The following TRPC5 variants were observed in gnomAD, a reference collection of about 807,000 sequenced individuals.
TRPC5 encodes short transient receptor potential channel 5.
In TRPC5, 9 loss-of-function variants were observed where a neutral mutation model predicts 56.5. The ratio of observed to expected loss-of-function variants is 0.16; its 90% CI spans 0.10 to 0.28. TRPC5 has a LOEUF of 0.28. Among genes scored for constraint, TRPC5 ranks in the 10% least tolerant of loss-of-function variants. The pLI is 1.00. For synonymous variants in TRPC5, 282 were observed against 278.5 expected (o/e 1.01, Z -0.13); for missense variants, 469 against 748.9 (o/e 0.63, Z 4.36).
At chrX:111,945,188 G>A (rs972237398) in intron 2 of TRPC5, among the ~76,000 whole-genome samples, 5 of 108,838 alleles carry the variant, frequency 4.6e-5, no homozygotes, top group African/African-American at 1.7e-4. Context: ...TCTGAATTGC[G>A]GTTGGATTTG....
chrX:111,869,724 T>G (rs1923678303), intron 3 of TRPC5, among the ~76,000 whole-genome samples: 1 of 112,084 alleles, frequency 8.9e-6, no homozygotes, highest in African/African-American at 3.2e-5. Context: ...GCAACAGAAT[T>G]AAGACTAATG....
At chrX:111,844,514 G>A (rs1426553622) in intron 6 of TRPC5, among the ~76,000 whole-genome samples, 1 of 101,696 alleles carries the variant, frequency 9.8e-6, no homozygotes, top group Non-Finnish European at 2.0e-5. Context: ...AGGCTGGAGT[G>A]GAGTGCAATG....
intron 3 of TRPC5, among the ~76,000 whole-genome samples, chrX:111,899,172 A>G (rs1925218530): frequency 9.0e-6 from 1 of 111,165 alleles, no homozygotes; most frequent in African/African-American, 3.3e-5. Flanking sequence ...ACAAGGGTCA[A>G]GAAAGTTAAG....
In TRPC5 at chrX:111,770,682, T is replaced by C. The variant is rs1945838409; in HGVS notation, c.*5631A>G. On this transcript the variant is annotated 3_prime_UTR_variant, in exon 11 of 11. Coordinates refer to ENST00000262839, the MANE Select transcript of TRPC5 (RefSeq NM_012471.3). ...CTAAGTTTCCCAATCCCAGCAAAAA[T>C]CCAAAGCCTCCTTTCTTCCTTCCAA... Among the ~76,000 whole-genome samples the C allele has an allele frequency of 9.0e-6, 1 of 111,343 alleles. No individual in the cohort carries two copies. Among genetic ancestry groups the C allele is most frequent in the Admixed American group, 9.6e-5 (1 of 10,386 alleles).
intron 2 of TRPC5, among the ~76,000 whole-genome samples, chrX:111,931,591 T>A (rs984876870): frequency 1.8e-5 from 2 of 112,499 alleles, no homozygotes; most frequent in African/African-American, 6.5e-5. Flanking sequence ...AGAGAGATAC[T>A]ATCTACTTGG....
At chrX:111,918,186 A>T (rs1427721857) in intron 2 of TRPC5, among the ~76,000 whole-genome samples, 2 of 111,721 alleles carry the variant, frequency 1.8e-5, no homozygotes, top group Non-Finnish European at 3.8e-5. Context: ...TGGAATAAGG[A>T]TGCCTTATCC....
intron 1 of TRPC5, among the ~76,000 whole-genome samples, chrX:112,007,442 G>A (rs948554541): frequency 1.4e-4 from 16 of 111,212 alleles, no homozygotes; most frequent in Non-Finnish European, 3.0e-4. Flanking sequence ...TTTGTTTCAG[G>A]GAGCCAGAGC....
intron 1 of TRPC5, among the ~76,000 whole-genome samples, chrX:111,975,893 G>C (rs1927912505): frequency 1.8e-5 from 2 of 111,645 alleles, no homozygotes; most frequent in African/African-American, 6.5e-5. Flanking sequence ...GACAGAGCAA[G>C]ACTCCGTCTC....
At chrX:111,927,252 A>G (rs1429845528) in intron 2 of TRPC5, among the ~76,000 whole-genome samples, 1 of 112,241 alleles carries the variant, frequency 8.9e-6, no homozygotes, top group South Asian at 3.7e-4. Flanking sequence ...ATCTCTAGAC[A>G]TTGCCAAAAT....
intron 7 of TRPC5, among the ~76,000 whole-genome samples, chrX:111,787,618 C>A (rs1945978756): frequency 9.2e-6 from 1 of 108,266 alleles, no homozygotes; most frequent in East Asian, 2.9e-4. Context: ...CCCAATGAAT[C>A]CAGAAGCTGG....
At chrX:111,921,963 T>C (rs113433109) in intron 2 of TRPC5, among the ~76,000 whole-genome samples, 2,845 of 112,262 alleles carry the variant, frequency 0.025, 99 homozygotes, top group African/African-American at 0.087. Context: ...ACACTTGCAA[T>C]GCAGCGAATA....
In TRPC5 at chrX:111,815,830, GTC is replaced by G. The variant is rs750580614; in HGVS notation, c.1896+19089_1896+19090del. On this transcript the variant is annotated intron_variant, in intron 7 of 10. Transcript: ENST00000262839. ...TTTTCGCCTGTCCATGTCACCTTCC[GTC>G]TCTCTGTTGACAAGACACAGGACGG... is the stretch of plus-strand genomic sequence containing the variant. 1.4e-4 allele frequency among the ~76,000 whole-genome samples: 15 copies of G among 110,835 alleles called. No individual in the cohort carries two copies. The East Asian group carries it at 4.0e-3, about 30-fold the overall frequency.
chrX:111,846,984 A>T, intron 6 of TRPC5, 130 bp downstream of exon 6: 1 of 720,096 alleles, frequency 1.4e-6, no homozygotes, highest in Non-Finnish European at 2.0e-6. Flanking sequence ...GGGTGGATCC[A>T]CAGTGAGCAC....
At chrX:111,975,369 T>C (rs1927893141) in intron 1 of TRPC5, among the ~76,000 whole-genome samples, 1 of 107,478 alleles carries the variant, frequency 9.3e-6, no homozygotes, top group African/African-American at 3.4e-5. Flanking sequence ...CAAACAGCAA[T>C]AGCAATAAAC....
At chrX:111,886,096 A>G (rs1292712160) in intron 3 of TRPC5, among the ~76,000 whole-genome samples, 4 of 111,479 alleles carry the variant, frequency 3.6e-5, no homozygotes, top group African/African-American at 1.3e-4. Flanking sequence ...CCTGGCCAAC[A>G]TGGTGACACC....
chrX:111,878,344 C>A (rs1269456751), intron 3 of TRPC5, among the ~76,000 whole-genome samples: 1 of 111,011 alleles, frequency 9.0e-6, no homozygotes, highest in East Asian at 2.8e-4. Context: ...AAGTGATATA[C>A]TGCATTATTT....
At chrX:111,782,226 T>C in intron 7 of TRPC5, 88 bp from the exon 8 acceptor site, 1 of 770,908 alleles carries the variant, frequency 1.3e-6, no homozygotes, top group Admixed American at 3.2e-5. Context: ...GTTGCTTCTA[T>C]AGAGGGCAAT....
intron 6 of TRPC5, among the ~76,000 whole-genome samples, chrX:111,839,614 A>G (rs1922667804): frequency 8.9e-6 from 1 of 112,248 alleles, no homozygotes; most frequent in South Asian, 3.7e-4. Flanking sequence ...CAGATACCCA[A>G]ATCCATGGGT....
rs767511623 is a variant in TRPC5, at chrX:111,912,483, C to T, written c.708G>A (p.Glu236=). ...ELKELSKVEN[E]FKAEYEELSQ... is the part of the protein sequence containing the mutation. ...AGAGCTCCTCATACTCGGCCTTGAACTCATTCTCCACCTTGCTGAGCTCCT... is the reference window on the plus strand; with the variant it reads ...AGAGCTCCTCATACTCGGCCTTGAATTCATTCTCCACCTTGCTGAGCTCCT... Residue 236 remains glutamate (E), a synonymous_variant, in exon 3 of 11, where the codon GAG becomes GAA. Transcript: ENST00000262839. 1.7e-6 allele frequency: 2 copies of T among 1,211,728 alleles called. No homozygotes were observed. Among genetic ancestry groups the T allele is most frequent in the Non-Finnish European group, 2.2e-6 (2 of 895,538 alleles).
Sources: gnomAD v4.1 joint callset for allele counts (sites outside exome capture counted in the v4.1 genomes callset) on GRCh38, gnomAD v4.1.1 for gene constraint, MANE v1.5 for transcripts, NCBI Gene and HGNC (gene_info 2026-07-23, HGNC 2026-07-21) for gene names.